FBXL7: variants seen among roughly 807,000 people sequenced by gnomAD.
FBXL7 encodes the protein F-box/LRR-repeat protein 7.
In FBXL7, 12 loss-of-function variants were observed where a neutral mutation model predicts 38.3. The observed-to-expected ratio is 0.31, with a 90% confidence interval of 0.20 to 0.51. The LOEUF (loss-of-function observed/expected upper bound fraction) is 0.51. FBXL7 is among the 20% of genes least tolerant of loss of function. The pLI is 0.98. For synonymous variants in FBXL7, 297 were observed against 300.9 expected (o/e 0.99, Z 0.13); for missense variants, 567 against 676.4 (o/e 0.84, Z 1.79).
intron 2 of FBXL7, among the ~76,000 whole-genome samples, chr5:15,640,558 C>G (rs998431827): frequency 2.0e-5 from 3 of 149,274 alleles, no homozygotes; most frequent in Non-Finnish European, 3.0e-5. Context: ...GAGTCTTGCT[C>G]TGTTGCCCAG....
intron 2 of FBXL7, among the ~76,000 whole-genome samples, chr5:15,775,620 A>G (rs971959561): frequency 1.3e-5 from 2 of 152,138 alleles, no homozygotes; most frequent in Admixed American, 6.6e-5. Context: ...TGATTTACAT[A>G]ATCATGTAGG....
chr5:15,558,956 C>G (rs1055604315), intron 1 of FBXL7, among the ~76,000 whole-genome samples: 2 of 152,104 alleles, frequency 1.3e-5, no homozygotes, highest in Non-Finnish European at 2.9e-5. Flanking sequence ...CTTAACTCGT[C>G]GTGGGTCATG....
intron 2 of FBXL7, among the ~76,000 whole-genome samples, chr5:15,852,515 A>G (rs1739127368): frequency 6.6e-6 from 1 of 152,180 alleles, no homozygotes; most frequent in Non-Finnish European, 1.5e-5. Flanking sequence ...GTGTTTCTGG[A>G]TGAATTTATC....
chr5:15,734,934 T>C (rs1735707431), intron 2 of FBXL7, among the ~76,000 whole-genome samples: 1 of 152,172 alleles, frequency 6.6e-6, no homozygotes, highest in African/African-American at 2.4e-5. Flanking sequence ...CTGAAGTTTA[T>C]TTATTTATTT....
chr5:15,644,463 G>A lies in FBXL7; in HGVS notation c.127+28391G>A, dbSNP rs142042155. Reference sequence around the variant, plus strand: ...GCACTCCAGCCTGGGCAACAAGAGCGAAACTCTGTCTCAAAAAAAATGGTA... The same window carrying A: ...GCACTCCAGCCTGGGCAACAAGAGCAAAACTCTGTCTCAAAAAAAATGGTA... On this transcript the variant is annotated intron_variant, in intron 2 of 3. Coordinates refer to ENST00000504595, the MANE Select transcript of FBXL7 (RefSeq NM_012304.5). Among the ~76,000 whole-genome samples, 268 of 152,150 alleles carry A rather than the reference G, an allele frequency of 1.8e-3. 1 individual carries two copies. Among genetic ancestry groups the A allele is most frequent in the African/African-American group, 6.1e-3 (255 of 41,512 alleles).
At chr5:15,597,115 A>C (rs1268276353) in intron 1 of FBXL7, among the ~76,000 whole-genome samples, 1 of 152,086 alleles carries the variant, frequency 6.6e-6, no homozygotes, top group Non-Finnish European at 1.5e-5. Flanking sequence ...AACCTGTGAA[A>C]TCTGACACTA....
chr5:15,936,407 G>T lies in FBXL7; in HGVS notation c.740-43G>T, dbSNP rs1742186772. ...GGGCATCCCCAGGCGTGGCTCCCCTGCTGGCAGGTTGCTCTGAGCCTGTGT... is the reference window on the plus strand; with the variant it reads ...GGGCATCCCCAGGCGTGGCTCCCCTTCTGGCAGGTTGCTCTGAGCCTGTGT... On this transcript the variant is annotated intron_variant, in intron 3 of 3. Coordinates refer to ENST00000504595, the MANE Select transcript of FBXL7 (RefSeq NM_012304.5). The surrounding 1 kb of genome is among the most constrained non-coding windows in gnomAD (Gnocchi z 6.0). 6.3e-7 allele frequency: 1 copy of T among 1,583,066 alleles called. No individual in the cohort carries two copies. Among genetic ancestry groups the T allele is most frequent in the Non-Finnish European group, 8.6e-7 (1 of 1,164,170 alleles).
chr5:15,937,121 C>T lies in FBXL7; in HGVS notation c.1411C>T (p.Leu471=), dbSNP rs558257689. Residue 471 remains leucine, a synonymous_variant, in exon 4 of 4, where the codon CTG becomes TTG. Coordinates refer to ENST00000504595, the MANE Select transcript of FBXL7 (RefSeq NM_012304.5). ...VQDCEVSVEA[L]RFVKRHCKRC... is the part of the protein sequence containing the mutation. Reference sequence around the variant, plus strand: ...GGACTGCGAGGTCTCCGTGGAGGCCCTGCGCTTTGTCAAACGCCACTGCAA... The same window carrying T: ...GGACTGCGAGGTCTCCGTGGAGGCCTTGCGCTTTGTCAAACGCCACTGCAA... The T allele has an allele frequency of 1.2e-6, 2 of 1,612,492 alleles. No individual in the cohort carries two copies. Among genetic ancestry groups the T allele is most frequent in the African/African-American group, 1.3e-5 (1 of 75,044 alleles).
chr5:15,767,571 C>G (rs531818783), intron 2 of FBXL7, among the ~76,000 whole-genome samples: 1 of 152,138 alleles, frequency 6.6e-6, no homozygotes, highest in East Asian at 1.9e-4. Flanking sequence ...ACAATAAAAC[C>G]AGCAAACATA....
At chr5:15,819,928 G>A (rs1025266070) in intron 2 of FBXL7, among the ~76,000 whole-genome samples, 1 of 152,160 alleles carries the variant, frequency 6.6e-6, no homozygotes, top group Admixed American at 6.5e-5. Flanking sequence ...AGAAACTATG[G>A]CCTGCAGCAA....
chr5:15,850,595 T>A (rs1739065319), intron 2 of FBXL7, among the ~76,000 whole-genome samples: 1 of 152,258 alleles, frequency 6.6e-6, no homozygotes, highest in Non-Finnish European at 1.5e-5. Context: ...ATGATAATGT[T>A]TTCATAGAAC....
rs113454368 is a variant in FBXL7 at position 15,937,554 on chromosome 5, C to G, written c.*368C>G. ...CACCCCCACAGTTCCACGCCCCCCC[C>G]CCAAGGCCACACCCTCCCTCCCTAG... On this transcript the variant is annotated 3_prime_UTR_variant, in exon 4 of 4. Coordinates refer to ENST00000504595, the MANE Select transcript of FBXL7 (RefSeq NM_012304.5). The G allele has an allele frequency of 5.9e-5, 11 of 186,140 alleles. No homozygotes were observed. The highest frequency in any genetic ancestry group is 2.8e-5 in the African/African-American group (1 of 35,486). The allele number at this position is 186,140 out of a possible 1,614,324, so 11.5% of individuals were successfully genotyped here.
chr5:15,703,921 TATGTC>T (rs1468695616), intron 2 of FBXL7, among the ~76,000 whole-genome samples: 1 of 152,152 alleles, frequency 6.6e-6, no homozygotes, highest in Non-Finnish European at 1.5e-5. Context: ...ACTGTCGACA[TATGTC>T]ATGCAGAGCA....
chr5:15,693,612 C>T (rs1190446859), intron 2 of FBXL7, among the ~76,000 whole-genome samples: 2 of 152,224 alleles, frequency 1.3e-5, no homozygotes, highest in South Asian at 2.1e-4. Context: ...CTCTGGCCCG[C>T]CATGTCCCCC....
At chr5:15,688,601 C>G (rs17523716) in intron 2 of FBXL7, among the ~76,000 whole-genome samples, 14,142 of 152,160 alleles carry the variant, frequency 0.093, 800 homozygotes, top group South Asian at 0.15. Context: ...ATGTTCTTGT[C>G]CCATTTGAAA....
intron 2 of FBXL7, among the ~76,000 whole-genome samples, chr5:15,617,422 CATTTATTTATT>C (rs1304561354): frequency 7.0e-6 from 1 of 142,736 alleles, no homozygotes; most frequent in African/African-American, 2.6e-5. Flanking sequence ...TGATTCTAGA[CATTTATTTATT>C]TATTTATTTA....
intron 2 of FBXL7, among the ~76,000 whole-genome samples, chr5:15,789,877 G>A (rs1044837922): frequency 1.3e-5 from 2 of 152,080 alleles, no homozygotes; most frequent in Non-Finnish European, 2.9e-5. Context: ...CTCAACGAAG[G>A]CCTTCTAAAG....
At chr5:15,519,163 G>T (rs1236778072) in intron 1 of FBXL7, among the ~76,000 whole-genome samples, 1 of 152,036 alleles carries the variant, frequency 6.6e-6, no homozygotes, top group Non-Finnish European at 1.5e-5. Flanking sequence ...GGCCAACATG[G>T]TGAAACCCTG....
chr5:15,724,640 C>G (rs969532681), intron 2 of FBXL7, among the ~76,000 whole-genome samples: 5 of 152,150 alleles, frequency 3.3e-5, no homozygotes, highest in African/African-American at 9.7e-5. Flanking sequence ...GAGCATAATG[C>G]TGTTTTCAAC....
Sources: allele counts gnomAD v4.1 joint callset (sites outside exome capture counted in the v4.1 genomes callset), GRCh38; gene constraint gnomAD v4.1.1; non-coding constraint Gnocchi (gnomAD v3.1); transcripts MANE v1.5; gene names NCBI Gene and HGNC (gene_info 2026-07-23, HGNC 2026-07-21).